Variants in ZEB1 observed in about 807,000 individuals in gnomAD.
The protein encoded by ZEB1 is zinc finger E-box binding homeobox 1.
Under a neutral mutation model 84.9 loss-of-function variants are expected in ZEB1, and 21 were observed. That is an observed-to-expected ratio of 0.25 (90% CI 0.18 to 0.36). The LOEUF is 0.36. Among genes scored for constraint, ZEB1 ranks in the 10% least tolerant of loss-of-function variants. The pLI is 1.00. For synonymous variants in ZEB1, 420 were observed against 471.1 expected (o/e 0.89, Z 1.41); for missense variants, 1,104 against 1,330.2 (o/e 0.83, Z 2.65).
rs1589902930 is a variant in ZEB1, at chr10:31,321,060, G to C, written c.58+1768G>C. Reference sequence around the variant, plus strand: ...TATAATGGGACCGCTGCAGCGTCGAGAAAACGAGGAAATACGTGTTTAGGA... The same window carrying C: ...TATAATGGGACCGCTGCAGCGTCGACAAAACGAGGAAATACGTGTTTAGGA... On this transcript the variant is annotated intron_variant, in intron 1 of 8. Transcript: ENST00000424869. The C allele has an allele frequency of 4.9e-6, 4 of 817,656 alleles. No individual in the cohort carries two copies. The South Asian group carries it at 2.0e-4, about 42-fold the overall frequency. The allele number at this position is 817,656 out of a possible 1,614,324, so 50.7% of individuals were successfully genotyped here. A position where few individuals can be genotyped will look rare whatever the true frequency, so the allele number is the denominator to read the frequency against.
intron 2 of ZEB1, among the ~76,000 whole-genome samples, chr10:31,484,698 T>C (rs1460290493): frequency 6.6e-6 from 1 of 151,976 alleles, no homozygotes; most frequent in African/African-American, 2.4e-5. Context: ...TCTTAGTTTT[T>C]ACGGTAAATG....
At chr10:31,320,560 T>C (rs1297811782) in intron 1 of ZEB1, 1 of 152,008 alleles carries the variant, frequency 6.6e-6, no homozygotes, top group African/African-American at 2.4e-5. Flanking sequence ...GTTTATTGAT[T>C]TGTGCTGCTG....
At chr10:31,347,855 A>G (rs1387452963) in intron 1 of ZEB1, among the ~76,000 whole-genome samples, 1 of 152,172 alleles carries the variant, frequency 6.6e-6, no homozygotes, top group Non-Finnish European at 1.5e-5. Flanking sequence ...CTCACAGTAA[A>G]TTATTACTAA....
chr10:31,321,639 T>C lies in ZEB1; in HGVS notation c.58+2347T>C, dbSNP rs947338619. On this transcript the variant is annotated intron_variant, in intron 1 of 8. Transcript: ENST00000424869. ...TGACGACATGTGTGTGACATGTGAG[T>C]CTGAACCACCCAGCGTCTGTGCAGC... 1.2e-5 allele frequency: 18 copies of C among 1,503,416 alleles called. 1 individual carries two copies. In the South Asian group the frequency reaches 1.5e-4, roughly 12 times the overall value. The allele number at this position is 1,503,416 out of a possible 1,614,324, so 93.1% of individuals were successfully genotyped here. A position where few individuals can be genotyped will look rare whatever the true frequency, so the allele number is the denominator to read the frequency against.
At chr10:31,451,781 G>T (rs1317981083) in intron 1 of ZEB1, among the ~76,000 whole-genome samples, 1 of 152,170 alleles carries the variant, frequency 6.6e-6, no homozygotes, top group African/African-American at 2.4e-5. Flanking sequence ...AAAGGGGAAG[G>T]TAATTTGGGA....
intron 2 of ZEB1, among the ~76,000 whole-genome samples, chr10:31,490,128 T>G (rs1277493276): frequency 6.6e-6 from 1 of 151,492 alleles, no homozygotes; most frequent in Non-Finnish European, 1.5e-5. Flanking sequence ...ACTAGTTTGA[T>G]TGATGGATTT....
chr10:31,503,126 T>G (rs1565143148), intron 4 of ZEB1, among the ~76,000 whole-genome samples: 1 of 152,074 alleles, frequency 6.6e-6, no homozygotes, highest in Non-Finnish European at 1.5e-5. Flanking sequence ...TACGTAAAAT[T>G]TTTATGTGAC....
intron 1 of ZEB1, among the ~76,000 whole-genome samples, chr10:31,329,536 T>C (rs2036307391): frequency 6.6e-6 from 1 of 152,178 alleles, no homozygotes; most frequent in African/African-American, 2.4e-5. Context: ...TACATTTTTC[T>C]TGAGTCAATA....
chr10:31,382,017 A>AC (rs2047749228), intron 1 of ZEB1, among the ~76,000 whole-genome samples: 1 of 118,766 alleles, frequency 8.4e-6, no homozygotes, highest in African/African-American at 6.2e-5. Flanking sequence ...AAAAAAAAAA[A>AC]AAAAAAAAAA....
At chr10:31,474,196 C>T (rs1031778724) in intron 2 of ZEB1, among the ~76,000 whole-genome samples, 1 of 151,986 alleles carries the variant, frequency 6.6e-6, no homozygotes, top group Admixed American at 6.6e-5. Flanking sequence ...CAACAAAAGC[C>T]AAAATTGACA....
intron 2 of ZEB1, among the ~76,000 whole-genome samples, chr10:31,475,108 C>G (rs1407373060): frequency 6.6e-5 from 10 of 151,426 alleles, no homozygotes; most frequent in Admixed American, 6.6e-4. Context: ...ATACCTAATG[C>G]TAGATGACGA....
chr10:31,410,120 A>G (rs1429518586), intron 1 of ZEB1, among the ~76,000 whole-genome samples: 1 of 152,324 alleles, frequency 6.6e-6, no homozygotes, highest in Middle Eastern at 3.4e-3. Flanking sequence ...GCTTTTGCCC[A>G]TTCAGCATGA....
chr10:31,481,418 C>T (rs1321665206), intron 2 of ZEB1, among the ~76,000 whole-genome samples: 3 of 152,002 alleles, frequency 2.0e-5, no homozygotes, highest in African/African-American at 7.2e-5. Context: ...GTAGAAGGTA[C>T]TATGCCGCCT....
chr10:31,359,661 A>G (rs1270878955), intron 1 of ZEB1, among the ~76,000 whole-genome samples: 11 of 152,152 alleles, frequency 7.2e-5, no homozygotes, highest in Non-Finnish European at 2.9e-5. Flanking sequence ...TGTACACTCT[A>G]TTCTGTTTGG....
At chr10:31,345,503 CCAGAAG>C (rs2040147490) in intron 1 of ZEB1, among the ~76,000 whole-genome samples, 2 of 151,974 alleles carry the variant, frequency 1.3e-5, no homozygotes, top group Non-Finnish European at 2.9e-5. Flanking sequence ...AAACTACTTC[CCAGAAG>C]CCTTGATGTT....
chr10:31,367,961 A>C (rs1446523441), intron 1 of ZEB1, among the ~76,000 whole-genome samples: 1 of 151,904 alleles, frequency 6.6e-6, no homozygotes, highest in Admixed American at 6.6e-5. Context: ...TACTATATAT[A>C]TATATATACA....
In ZEB1 at chr10:31,527,367, G is replaced by T. The variant is rs991727140; in HGVS notation, c.*103G>T. On this transcript the variant is annotated 3_prime_UTR_variant, in exon 9 of 9. Coordinates refer to ENST00000424869, the MANE Select transcript of ZEB1 (RefSeq NM_001174096.2). ...CAGTAACCTGTATGCTGTGATTCCT[G>T]TTCACTACTGTGTAAAGTAAAAACT... The T allele has an allele frequency of 6.9e-7, 1 of 1,452,848 alleles. No individual in the cohort carries two copies. The highest frequency in any genetic ancestry group is 1.4e-5 in the African/African-American group (1 of 70,534). 90.0% of individuals were successfully genotyped at this position (1,452,848 alleles called of 1,614,324 possible).
At chr10:31,473,220 A>G (rs1313593717) in intron 2 of ZEB1, among the ~76,000 whole-genome samples, 1 of 151,068 alleles carries the variant, frequency 6.6e-6, no homozygotes, top group African/African-American at 2.5e-5. Flanking sequence ...GCAATTAGGC[A>G]GGAGAAGGAA....
chr10:31,457,939 C>G (rs190986288), intron 1 of ZEB1, among the ~76,000 whole-genome samples: 1 of 152,098 alleles, frequency 6.6e-6, no homozygotes, highest in Non-Finnish European at 1.5e-5. Flanking sequence ...TAATATAATG[C>G]TAGGCTGCAA....
Sources: allele counts gnomAD v4.1 joint callset (sites outside exome capture counted in the v4.1 genomes callset), GRCh38; gene constraint gnomAD v4.1.1; transcripts MANE v1.5; gene names NCBI Gene and HGNC (gene_info 2026-07-23, HGNC 2026-07-21).